The following PDE10A variants were observed in gnomAD, a reference collection of about 807,000 sequenced individuals.
PDE10A encodes the protein cAMP and cAMP-inhibited cGMP 3',5'-cyclic phosphodiesterase 10A.
In PDE10A, 39 loss-of-function variants were observed where a neutral mutation model predicts 97.7. That is an observed-to-expected ratio of 0.40 (90% confidence interval 0.31 to 0.52). The LOEUF (loss-of-function observed/expected upper bound fraction) is 0.52. Among genes scored for constraint, PDE10A ranks in the 20% least tolerant of loss-of-function variants. The pLI, the probability that PDE10A is intolerant of heterozygous loss-of-function variation, is 0.56. For synonymous variants in PDE10A, 371 were observed against 376.8 expected (o/e 0.98, Z 0.18); for missense variants, 731 against 1,047.8 (o/e 0.70, Z 4.17).
chr6:165,377,371 T>C (rs762008572), intron 18 of PDE10A, among the ~76,000 whole-genome samples: 13 of 152,134 alleles, frequency 8.5e-5, no homozygotes, highest in Non-Finnish European at 1.8e-4. Context: ...ATATTACTCT[T>C]TTTTATACCT....
chr6:165,632,881 A>G (rs1250670929), intron 1 of PDE10A, among the ~76,000 whole-genome samples: 1 of 152,166 alleles, frequency 6.6e-6, no homozygotes, highest in Non-Finnish European at 1.5e-5. Flanking sequence ...TGTATACCCA[A>G]GAATTACGCA....
intron 1 of PDE10A, among the ~76,000 whole-genome samples, chr6:165,828,063 G>C (rs1779809774): frequency 6.6e-6 from 1 of 152,196 alleles, no homozygotes; most frequent in Non-Finnish European, 1.5e-5. Context: ...CAGGCCAGGA[G>C]CCTACTCTTG....
At chr6:165,411,755 T>C (rs1248172584) in intron 13 of PDE10A, among the ~76,000 whole-genome samples, 4 of 152,154 alleles carry the variant, frequency 2.6e-5, no homozygotes, top group East Asian at 1.9e-4. Context: ...CTCATATAGA[T>C]TGGAGAAAGA....
chr6:165,974,678 C>A (rs1016857443), intron 1 of PDE10A, among the ~76,000 whole-genome samples: 10 of 152,224 alleles, frequency 6.6e-5, no homozygotes, highest in African/African-American at 2.2e-4. Context: ...TTTTACATCT[C>A]ATTGGTACCT....
At chr6:165,743,006 T>A (rs950059111) in intron 1 of PDE10A, among the ~76,000 whole-genome samples, 5 of 152,328 alleles carry the variant, frequency 3.3e-5, no homozygotes, top group Non-Finnish European at 5.9e-5. Flanking sequence ...CTGCAGATTG[T>A]CTCAGAGCCT....
At chr6:165,626,339 T>C (rs1249775196) in intron 1 of PDE10A, among the ~76,000 whole-genome samples, 1 of 152,212 alleles carries the variant, frequency 6.6e-6, no homozygotes, top group Admixed American at 6.5e-5. Context: ...TTCATTCTCT[T>C]ATGTTTCAAC....
intron 1 of PDE10A, among the ~76,000 whole-genome samples, chr6:165,953,475 C>T (rs937402381): frequency 6.6e-6 from 1 of 152,030 alleles, no homozygotes; most frequent in African/African-American, 2.4e-5. Context: ...CCTATAATCC[C>T]AGCTACTCGG....
intron 1 of PDE10A, among the ~76,000 whole-genome samples, chr6:165,622,800 A>T (rs73786683): frequency 0.028 from 4,293 of 152,242 alleles, 171 homozygotes; most frequent in African/African-American, 0.095. Context: ...TGCCTTTGAC[A>T]GAGTTTGGAA....
At position 165,430,336 on chromosome 6, in the gene PDE10A, C is replaced by T. The variant is rs1405807311; in HGVS notation, c.1552G>A (p.Gly518Ser). 6 of 1,593,230 alleles carry T rather than the reference C, an allele frequency of 3.8e-6. No homozygotes were observed. The highest frequency in any genetic ancestry group is 5.2e-6 in the Non-Finnish European group (6 of 1,162,706). Residue 518 changes from glycine (G) to serine (S), a missense_variant, in exon 9 of 22, where the codon GGC becomes AGC. Transcript: ENST00000539869. ...TTCAATTCTGTCTGTTTGGCAAGGC[C>T]TCTGCATACCTACCATATAAAATAA... is the stretch of plus-strand genomic sequence containing the variant. ...VAIHQVQVCR[G>S]LAKQTELNDF...
At chr6:165,975,408 C>T (rs764592451) in intron 1 of PDE10A, among the ~76,000 whole-genome samples, 3 of 152,130 alleles carry the variant, frequency 2.0e-5, no homozygotes, top group Admixed American at 6.5e-5. Flanking sequence ...AGTTCGAGAC[C>T]AGCCTGGGCA....
intron 1 of PDE10A, among the ~76,000 whole-genome samples, chr6:165,686,946 T>TA (rs1304798166): frequency 6.6e-6 from 1 of 152,030 alleles, no homozygotes; most frequent in Admixed American, 6.5e-5. Flanking sequence ...AGCTTGATGT[T>TA]AAGGAGAGTG....
At chr6:165,530,289 G>C (rs1174164198) in intron 2 of PDE10A, among the ~76,000 whole-genome samples, 1 of 98,008 alleles carries the variant, frequency 1.0e-5, no homozygotes, top group Non-Finnish European at 2.5e-5. Context: ...GTGTGTGTGT[G>C]TGTGTGTGTA....
Position 165,388,512 on chromosome 6 carries a change from T to C in PDE10A, c.2455-59A>G. Reference sequence around the variant, plus strand: ...AACACAGAAACACACATGAGCAGACTTACCGCTTACATTCATGTCACATTA... The same window carrying C: ...AACACAGAAACACACATGAGCAGACCTACCGCTTACATTCATGTCACATTA... On this transcript the variant is annotated intron_variant, in intron 16 of 21. Transcript: ENST00000539869. The surrounding 1 kb of genome is among the most constrained non-coding windows in gnomAD (Gnocchi z 4.0). 6.8e-7 allele frequency: 1 copy of C among 1,462,322 alleles called. No homozygotes were observed. The highest frequency in any genetic ancestry group is 9.6e-7 in the Non-Finnish European group (1 of 1,046,868). The allele number at this position is 1,462,322 out of a possible 1,614,324, so 90.6% of individuals were successfully genotyped here. A position where few individuals can be genotyped will look rare whatever the true frequency, so the allele number is the denominator to read the frequency against.
At chr6:165,859,683 T>TC (rs1780845701) in intron 1 of PDE10A, among the ~76,000 whole-genome samples, 1 of 152,202 alleles carries the variant, frequency 6.6e-6, no homozygotes, top group African/African-American at 2.4e-5. Flanking sequence ...ATGTTTTTTC[T>TC]CCAAGTTTTT....
At chr6:165,596,591 G>A (rs764117147) in intron 1 of PDE10A, among the ~76,000 whole-genome samples, 1 of 152,144 alleles carries the variant, frequency 6.6e-6, no homozygotes, top group Non-Finnish European at 1.5e-5. Context: ...TTAGCTGGGT[G>A]TGGTGGCACA....
chr6:165,605,595 A>G (rs12190595), intron 1 of PDE10A, among the ~76,000 whole-genome samples: 34,814 of 151,242 alleles, frequency 0.23, 3,991 homozygotes, highest in Middle Eastern at 0.26. Context: ...TTTTCCCTCA[A>G]GCAAGTTTCT....
intron 3 of PDE10A, among the ~76,000 whole-genome samples, chr6:165,466,703 T>A (rs574390941): frequency 4.1e-4 from 63 of 152,214 alleles, no homozygotes; most frequent in Non-Finnish European, 5.0e-4. Flanking sequence ...TATTCTCCCA[T>A]CTCCCCTCCT....
At chr6:165,447,349 G>A (rs1247531489) in intron 5 of PDE10A, among the ~76,000 whole-genome samples, 1 of 152,164 alleles carries the variant, frequency 6.6e-6, no homozygotes, top group African/African-American at 2.4e-5. Context: ...TAGAATTGCT[G>A]AGTCCAAGAT....
At chr6:165,900,192 C>T (rs555689411) in intron 1 of PDE10A, among the ~76,000 whole-genome samples, 29 of 152,252 alleles carry the variant, frequency 1.9e-4, no homozygotes, top group African/African-American at 6.0e-4. Flanking sequence ...GACATCTGGG[C>T]GGGGCGCAGT....
Sources: gnomAD v4.1 joint callset for allele counts (sites outside exome capture counted in the v4.1 genomes callset) on GRCh38, gnomAD v4.1.1 for gene constraint, Gnocchi (gnomAD v3.1) non-coding constraint, MANE v1.5 for transcripts, NCBI Gene and HGNC (gene_info 2026-07-23, HGNC 2026-07-21) for gene names.